The following ZBED6 variants were observed in gnomAD, a reference collection of about 807,000 sequenced individuals.
ZBED6 encodes the protein zinc finger BED-type containing 6.
A neutral mutation model predicts 58.4 loss-of-function variants in ZBED6; 40 were observed. That is an observed-to-expected ratio of 0.68 (90% confidence interval 0.53 to 0.89). The LOEUF is 0.89. Ranked by LOEUF, ZBED6 falls within the 40% of genes least tolerant of loss-of-function variation. The pLI is 0.00. For missense variants in ZBED6, 1,057 were observed against 1,003.9 expected (o/e 1.05, Z -0.71); for synonymous variants, 439 against 350.6 (o/e 1.25, Z -2.82).
At chr1:203,830,787 G>A (rs1214047545) in intron 7 of ZBED6, among the ~76,000 whole-genome samples, 1 of 151,912 alleles carries the variant, frequency 6.6e-6, no homozygotes, top group Non-Finnish European at 1.5e-5. Context: ...CCAGCCTGGC[G>A]ACAGATCAAG....
chr1:203,799,679 A>G, exon 1 of ZBED6: 1 of 707,438 alleles, frequency 1.4e-6, no homozygotes. Flanking sequence ...TCCATCATCT[A>G]CTCCTTTCCC....
At chr1:203,847,274 C>G in exon 12 of ZBED6, 1 of 1,613,776 alleles carries the variant, frequency 6.2e-7, no homozygotes, top group East Asian at 2.2e-5. Context: ...GAATTGCAAA[C>G]TAAACTCAAG....
At chr1:203,831,043 C>G (rs895376852) in intron 7 of ZBED6, among the ~76,000 whole-genome samples, 4 of 139,228 alleles carry the variant, frequency 2.9e-5, no homozygotes, top group Non-Finnish European at 6.1e-5. Context: ...CCTCCCAGTT[C>G]AAGCTATTCT....
At position 203,797,715 on chromosome 1, in the gene ZBED6, A is replaced by T. The variant is rs753528780; in HGVS notation, c.193A>T (p.Lys65Ter). The T allele has an allele frequency of 6.5e-7, 1 of 1,535,186 alleles. No homozygotes were observed. Among genetic ancestry groups the T allele is most frequent in the South Asian group, 1.2e-5 (1 of 83,894 alleles). The change falls in exon 1 of 17, where the codon AAG becomes TAG. Residue 65 changes from lysine to a stop codon, truncating the protein, a stop_gained. Transcript: ENST00000550078. LOFTEE classifies it high-confidence loss of function. ...AAAACAGCCTGCTAAAAAGAAAAGA[A>T]AGAAGGGTTTGCGAATTAAGGGGAA...
At chr1:203,808,864 G>A (rs910195417) in intron 1 of ZBED6, among the ~76,000 whole-genome samples, 3 of 151,802 alleles carry the variant, frequency 2.0e-5, no homozygotes, top group East Asian at 1.9e-4. Context: ...GCGTTTTTCT[G>A]TTGTTGCCCA....
At chr1:203,835,857 C>G (rs763615124) in intron 9 of ZBED6, 1 of 240,626 alleles carries the variant, frequency 4.2e-6, no homozygotes, top group Non-Finnish European at 9.1e-6. Context: ...CCTTTTTTTC[C>G]GGAGACCCCA....
chr1:203,830,928 T>TTA (rs1465742037), intron 7 of ZBED6, among the ~76,000 whole-genome samples: 40 of 70,696 alleles, frequency 5.7e-4, no homozygotes, highest in African/African-American at 3.0e-3. Flanking sequence ...ACCCCCAATT[T>TTA]TTTTTTTTTT....
chr1:203,819,288 C>T (rs561434466), intron 3 of ZBED6, among the ~76,000 whole-genome samples: 32 of 148,734 alleles, frequency 2.2e-4, no homozygotes, highest in Admixed American at 1.1e-3. Context: ...GTGGCGCAAT[C>T]TCTGCTTACT....
At chr1:203,812,322 G>T (rs1674756296) in intron 1 of ZBED6, among the ~76,000 whole-genome samples, 1 of 152,074 alleles carries the variant, frequency 6.6e-6, no homozygotes, top group Admixed American at 6.6e-5. Flanking sequence ...TCCCCTCTAT[G>T]TGTCCAAGTG....
intron 14 of ZBED6, 47 bp from the exon 15 acceptor site, chr1:203,850,468 A>G: frequency 1.9e-6 from 3 of 1,605,608 alleles, no homozygotes; most frequent in Non-Finnish European, 2.6e-6. Context: ...TCCCCATTTA[A>G]AAGAGTCTAT....
chr1:203,848,228 G>GT (rs1328135038), intron 12 of ZBED6, 103 bp from the exon 13 acceptor site: 1 of 934,972 alleles, frequency 1.1e-6, no homozygotes, highest in Non-Finnish European at 1.6e-6. Flanking sequence ...AATTTTATTT[G>GT]TCCTGTCTTA....
At chr1:203,818,783 A>G (rs1034162914) in intron 3 of ZBED6, 94 bp downstream of exon 3, 4 of 1,576,652 alleles carry the variant, frequency 2.5e-6, no homozygotes, top group Middle Eastern at 1.7e-4. Context: ...TAAAAAATAT[A>G]TTAAGGCTGA....
At chr1:203,796,411 G>T in exon 1 of ZBED6, 1 of 398,962 alleles carries the variant, frequency 2.5e-6, no homozygotes, top group East Asian at 3.6e-5. Flanking sequence ...CCTCAGCGTC[G>T]GAGTCAAGAG....
intron 7 of ZBED6, among the ~76,000 whole-genome samples, chr1:203,831,142 C>T (rs1320647961): frequency 1.3e-5 from 2 of 151,728 alleles, no homozygotes; most frequent in Non-Finnish European, 2.9e-5. Flanking sequence ...CAGGGTTTCT[C>T]CATGTTGGTT....
At chr1:203,797,168 G>T in exon 1 of ZBED6, 1 of 167,264 alleles carries the variant, frequency 6.0e-6, no homozygotes, top group Non-Finnish European at 1.3e-5. Flanking sequence ...GAAGAACATG[G>T]ATCTGGGATT....
Position 203,845,296 on chromosome 1 carries a change from TC to T in ZBED6, c.*3742-1887del, listed in dbSNP as rs550790018. 1.8e-3 allele frequency among the ~76,000 whole-genome samples: 275 copies of T among 152,336 alleles called. 2 individuals are homozygous for T. Among genetic ancestry groups the T allele is most frequent in the African/African-American group, 6.2e-3 (258 of 41,572 alleles). ...TTTGGTAGGGGAGGGAAACAGGGCCTCTATGTCACCATTCATGTTGTACTTT... is the reference window on the plus strand; with the variant it reads ...TTTGGTAGGGGAGGGAAACAGGGCCTTATGTCACCATTCATGTTGTACTTT... On this transcript the variant is annotated intron_variant, in intron 11 of 16. Coordinates refer to ENST00000550078, the Ensembl canonical transcript of ZBED6.
At chr1:203,821,972 T>C (rs1410450184) in intron 3 of ZBED6, among the ~76,000 whole-genome samples, 1 of 152,128 alleles carries the variant, frequency 6.6e-6, no homozygotes, top group African/African-American at 2.4e-5. Context: ...TTAGCCAGGA[T>C]GGTCTCGATC....
intron 14 of ZBED6, 86 bp downstream of exon 14, chr1:203,850,112 A>G (rs561607223): frequency 3.3e-6 from 4 of 1,222,598 alleles, no homozygotes; most frequent in South Asian, 2.9e-5. Context: ...CCTGGCAACA[A>G]TTGGGTTGAA....
At chr1:203,834,034 T>TA in intron 9 of ZBED6, 181 bp downstream of exon 9, 1 of 1,268,980 alleles carries the variant, frequency 7.9e-7, no homozygotes, top group Non-Finnish European at 9.9e-7. Flanking sequence ...TACAGAGATT[T>TA]AAAGTGTTAC....
Sources: allele counts gnomAD v4.1 joint callset (sites outside exome capture counted in the v4.1 genomes callset), GRCh38; gene constraint gnomAD v4.1.1; transcripts MANE v1.5; gene names NCBI Gene and HGNC (gene_info 2026-07-23, HGNC 2026-07-21).